The following PRKD1 variants were observed in gnomAD, a reference collection of about 807,000 sequenced individuals.
The protein encoded by PRKD1 is serine/threonine-protein kinase D1.
PRKD1 carries 63 observed loss-of-function variants against 95.9 expected under a neutral mutation model. The ratio of observed to expected loss-of-function variants is 0.66; its 90% CI spans 0.54 to 0.81. The LOEUF (loss-of-function observed/expected upper bound fraction) is 0.81. PRKD1 is among the 30% of genes least tolerant of loss of function. PRKD1 has a pLI of 0.00. For synonymous variants in PRKD1, 425 were observed against 423.1 expected, an observed-to-expected ratio of 1.00 and a Z score of -0.05; for missense variants, 1,048 against 1,165.3, an observed-to-expected ratio of 0.90 and a Z score of 1.47.
At chr14:29,751,903 CAT>C (rs1483598389) in intron 1 of PRKD1, among the ~76,000 whole-genome samples, 3 of 152,204 alleles carry the variant, frequency 2.0e-5, no homozygotes, top group Non-Finnish European at 2.9e-5. Context: ...AGCACATACA[CAT>C]GTGTACACAC....
chr14:29,777,199 T>G (rs1888803287), intron 1 of PRKD1, among the ~76,000 whole-genome samples: 1 of 152,118 alleles, frequency 6.6e-6, no homozygotes, highest in South Asian at 2.1e-4. Flanking sequence ...CATGCCAAAT[T>G]GTAAAGATCA....
chr14:29,638,768 T>C lies in PRKD1; in HGVS notation c.833A>G (p.Tyr278Cys). 1 of 1,614,098 alleles carries C rather than the reference T, an allele frequency of 6.2e-7. No homozygotes were observed. Among genetic ancestry groups the C allele is most frequent in the Non-Finnish European group, 8.5e-7 (1 of 1,180,008 alleles). Residue 278 changes from tyrosine (Y) to cysteine (C), a missense_variant, in exon 5 of 18, where the codon TAC becomes TGC. This residue lies in a region of PRKD1 where 739 missense variants were observed against 861.9 expected (regional missense o/e 0.86). Transcript: ENST00000331968. Reference sequence around the variant, plus strand: ...GTACTGGCACACTGTGGGCCGGGTGTAGGAGTGGATGACAAATGTGTGCGG... The same window carrying C: ...GTACTGGCACACTGTGGGCCGGGTGCAGGAGTGGATGACAAATGTGTGCGG... ...KVPHTFVIHS[Y>C]TRPTVCQYCK... is the part of the protein sequence containing the mutation.
intron 2 of PRKD1, among the ~76,000 whole-genome samples, chr14:29,679,851 C>T (rs982538538): frequency 6.6e-6 from 1 of 151,846 alleles, no homozygotes; most frequent in African/African-American, 2.4e-5. Context: ...CCTCAGCCTC[C>T]CAAGTAGCTG....
chr14:29,619,149 T>C (rs1879073634), intron 13 of PRKD1, among the ~76,000 whole-genome samples: 1 of 152,152 alleles, frequency 6.6e-6, no homozygotes, highest in South Asian at 2.1e-4. Flanking sequence ...CTCCATTCAA[T>C]TGACTTCAAT....
chr14:29,756,846 C>T (rs948564961), intron 1 of PRKD1, among the ~76,000 whole-genome samples: 1 of 152,242 alleles, frequency 6.6e-6, no homozygotes, highest in African/African-American at 2.4e-5. Context: ...TATGAAATTG[C>T]TCTTTCAGTT....
At chr14:29,660,499 T>C (rs1166501533) in intron 4 of PRKD1, among the ~76,000 whole-genome samples, 2 of 152,218 alleles carry the variant, frequency 1.3e-5, no homozygotes, top group Non-Finnish European at 2.9e-5. Context: ...TGGTTGCTCT[T>C]GGGTGCCTTC....
At chr14:29,873,952 T>TTGG (rs1893200422) in intron 1 of PRKD1, among the ~76,000 whole-genome samples, 1 of 152,152 alleles carries the variant, frequency 6.6e-6, no homozygotes, top group Non-Finnish European at 1.5e-5. Flanking sequence ...CTATATAAAA[T>TTGG]GAAAAACTCT....
At chr14:29,733,109 T>TA (rs1268204392) in intron 1 of PRKD1, among the ~76,000 whole-genome samples, 3 of 85,752 alleles carry the variant, frequency 3.5e-5, no homozygotes, top group African/African-American at 1.5e-4. Flanking sequence ...TATTTATTTA[T>TA]TTTTTTTTTT....
chr14:29,761,510 T>C (rs1172502423), intron 1 of PRKD1, among the ~76,000 whole-genome samples: 3 of 152,198 alleles, frequency 2.0e-5, no homozygotes, highest in South Asian at 2.1e-4. Flanking sequence ...TCTGCTGAGA[T>C]AGATGAGACT....
chr14:29,584,753 C>T (rs1357158183), intron 16 of PRKD1, among the ~76,000 whole-genome samples: 2 of 152,134 alleles, frequency 1.3e-5, no homozygotes, highest in African/African-American at 4.8e-5. Flanking sequence ...TAGGGCATCA[C>T]AACTCTACAA....
chr14:29,626,079 A>C (rs1879599178), intron 12 of PRKD1, among the ~76,000 whole-genome samples: 1 of 152,166 alleles, frequency 6.6e-6, no homozygotes, highest in Admixed American at 6.5e-5. Flanking sequence ...TGTTAAAGAC[A>C]CTGGAAAGTT....
intron 17 of PRKD1, 68 bp from the exon 18 acceptor site, chr14:29,577,524 T>G: frequency 6.9e-7 from 1 of 1,452,922 alleles, no homozygotes; most frequent in Non-Finnish European, 9.6e-7. Flanking sequence ...TCATATGATG[T>G]CAGTTTCTGC....
chr14:29,700,967 CGTGCGCAT>C (rs1454852059), intron 2 of PRKD1, among the ~76,000 whole-genome samples: 11 of 46,328 alleles, frequency 2.4e-4, no homozygotes, highest in Admixed American at 8.6e-4. Flanking sequence ...TGTGTGTACG[CGTGCGCAT>C]GCGCGCGCGC....
At chr14:29,726,382 C>A (rs999727544) in intron 1 of PRKD1, among the ~76,000 whole-genome samples, 1 of 152,070 alleles carries the variant, frequency 6.6e-6, no homozygotes, top group Non-Finnish European at 1.5e-5. Flanking sequence ...ATGAAAAGGG[C>A]CCTTTTCTTG....
At position 29,711,872 on chromosome 14, in the gene PRKD1, A is replaced by C. The variant is rs558042093; in HGVS notation, c.403+13664T>G. On this transcript the variant is annotated intron_variant, in intron 2 of 17. Transcript: ENST00000331968. Reference sequence around the variant, plus strand: ...GCCCTGACTTCACAGAAAGCAAATAATTGTTTACTGGTCAGTTCTCACAAA... The same window carrying C: ...GCCCTGACTTCACAGAAAGCAAATACTTGTTTACTGGTCAGTTCTCACAAA... Among the ~76,000 whole-genome samples, 226 of 152,242 alleles carry C rather than the reference A, an allele frequency of 1.5e-3. 1 individual carries two copies. The highest frequency in any genetic ancestry group is 4.9e-3 in the African/African-American group (202 of 41,562).
chr14:29,823,688 G>A (rs1201701271), intron 1 of PRKD1, among the ~76,000 whole-genome samples: 1 of 152,134 alleles, frequency 6.6e-6, no homozygotes, highest in African/African-American at 2.4e-5. Context: ...TTAAGTAACA[G>A]GTCAGAGGAC....
At chr14:29,848,790 G>A (rs968843275) in intron 1 of PRKD1, among the ~76,000 whole-genome samples, 1 of 152,092 alleles carries the variant, frequency 6.6e-6, no homozygotes, top group Non-Finnish European at 1.5e-5. Context: ...ACTTCAAAAC[G>A]ACTGTCTTAA....
chr14:29,794,075 T>A (rs1433230120), intron 1 of PRKD1, among the ~76,000 whole-genome samples: 1 of 152,092 alleles, frequency 6.6e-6, no homozygotes, highest in Non-Finnish European at 1.5e-5. Context: ...GTAGATTTAT[T>A]ATTAGGTATT....
chr14:29,642,133 C>A (rs199523355), intron 4 of PRKD1, among the ~76,000 whole-genome samples: 1 of 151,966 alleles, frequency 6.6e-6, no homozygotes, highest in African/African-American at 2.4e-5. Context: ...GAACTCCTGA[C>A]CTCAGGTGAT....
Sources: gnomAD v4.1 joint callset for allele counts (sites outside exome capture counted in the v4.1 genomes callset) on GRCh38, gnomAD v4.1.1 for gene constraint, gnomAD v4.1.1 regional missense constraint, MANE v1.5 for transcripts, NCBI Gene and HGNC (gene_info 2026-07-23, HGNC 2026-07-21) for gene names.